The following SLC26A4 variants were observed in gnomAD, a reference collection of about 807,000 sequenced individuals.
The protein encoded by SLC26A4 is pendrin.
SLC26A4 carries 93 observed loss-of-function variants against 90.4 expected under a neutral mutation model. The ratio of observed to expected loss-of-function variants is 1.03; its 90% CI spans 0.87 to 1.22. SLC26A4 has a LOEUF of 1.22. SLC26A4 is among the 50% of genes most tolerant of loss of function. The pLI, the probability that SLC26A4 is intolerant of heterozygous loss-of-function variation, is 0.00. For synonymous variants in SLC26A4, 393 were observed against 354.6 expected (o/e 1.11, Z -1.22); for missense variants, 1,127 against 946.2 (o/e 1.19, Z -2.51).
rs775490005 is a variant in SLC26A4, at chr7:107,683,230, G to A, written c.794G>A (p.Gly265Asp). Residue 265 changes from glycine (G) to aspartate (D), a missense_variant, in exon 7 of 21, where the codon GGT (glycine) becomes GAT (aspartate). Transcript: ENST00000644269. ...CTGGTTGAGATTTTTCAAAATATTG[G>A]TGATACCAATCTTGCTGATTTCACT... ...YTLVEIFQNI[G>D]DTNLADFTAG... 1.2e-6 allele frequency: 2 copies of A among 1,612,464 alleles called. No individual in the cohort carries two copies. Among genetic ancestry groups the A allele is most frequent in the African/African-American group, 1.3e-5 (1 of 74,950 alleles).
chr7:107,663,584 T>C, intron 3 of SLC26A4, 149 bp downstream of exon 3: 5 of 865,350 alleles, frequency 5.8e-6, no homozygotes, highest in Non-Finnish European at 9.5e-6. Context: ...TCACCTCTCT[T>C]CTCCCCTTCC....
chr7:107,715,351 TA>T (rs1792318963), intron 20 of SLC26A4, 71 bp from the exon 21 acceptor site: 1 of 1,208,660 alleles, frequency 8.3e-7, no homozygotes, highest in East Asian at 2.3e-5. Flanking sequence ...AAAACATATT[TA>T]TAAAAAAGAT....
rs929101756 is a variant in SLC26A4, at chr7:107,661,847, G to T, written c.164+42G>T. ...CCTGCGTAGAGAGAAGCGGAGCGGGGCGTCCACGCCTTGGGGAGGGAAGGG... is the reference window on the plus strand; with the variant it reads ...CCTGCGTAGAGAGAAGCGGAGCGGGTCGTCCACGCCTTGGGGAGGGAAGGG... On this transcript the variant is annotated intron_variant, in intron 2 of 20. Transcript: ENST00000644269. The surrounding 1 kb of genome is among the most constrained non-coding windows in gnomAD (Gnocchi z 5.1). The T allele has an allele frequency of 3.3e-6, 5 of 1,522,994 alleles. No individual in the cohort carries two copies. The African/African-American group carries it at 6.9e-5, about 21-fold the overall frequency. 94.3% of individuals were successfully genotyped at this position (1,522,994 alleles called of 1,614,324 possible).
At chr7:107,682,461 A>T (rs566157396) in intron 6 of SLC26A4, among the ~76,000 whole-genome samples, 30 of 152,332 alleles carry the variant, frequency 2.0e-4, no homozygotes, top group African/African-American at 7.0e-4. Flanking sequence ...ATTTAAAAAA[A>T]AGTATGCTTG....
At chr7:107,684,910 C>T (rs1248298390) in intron 8 of SLC26A4, among the ~76,000 whole-genome samples, 2 of 152,170 alleles carry the variant, frequency 1.3e-5, no homozygotes, top group African/African-American at 2.4e-5. Context: ...CAGGCCCTGT[C>T]CCATCCATCC....
intron 8 of SLC26A4, 111 bp from the exon 9 acceptor site, chr7:107,688,942 T>C (rs1175522958): frequency 1.8e-6 from 2 of 1,112,950 alleles, no homozygotes; most frequent in African/African-American, 3.1e-5. Context: ...TTCTTTTGGA[T>C]CAAGTACTTT....
rs958004996 is a variant in SLC26A4 at position 107,698,541 on chromosome 7, T to A, written c.1614+430T>A. Among the ~76,000 whole-genome samples, 11 of 152,256 alleles carry A rather than the reference T, an allele frequency of 7.2e-5. No homozygotes were observed. The East Asian group carries it at 2.1e-3, about 29-fold the overall frequency. On this transcript the variant is annotated intron_variant, in intron 14 of 20. Transcript: ENST00000644269. The stretch of plus-strand genomic sequence containing the variant: ...CATGTTGCCCAGGCTGGTCTCAAAC[T>A]CCTGAGCTCAAGTGATTTGCCCGTC...
At chr7:107,674,669 G>A (rs574020915) in intron 5 of SLC26A4, among the ~76,000 whole-genome samples, 40 of 152,272 alleles carry the variant, frequency 2.6e-4, no homozygotes, top group African/African-American at 8.9e-4. Context: ...ACACAGGACC[G>A]AAAGCCACAT....
At position 107,689,143 on chromosome 7, in the gene SLC26A4, A is replaced by C. The variant is rs2129315815; in HGVS notation, c.1092A>C (p.Ala364=). Residue 364 remains alanine, a synonymous_variant, in exon 9 of 21, where the codon GCA becomes GCC. Transcript: ENST00000644269. ...FSIAVVAYAI[A]VSVGKVYATK... is the part of the protein sequence containing the mutation. ...TCGCTGTGGTGGCTTATGCTATTGC[A>C]GTGTCAGTAGGAAAAGTATATGCCA... The C allele has an allele frequency of 6.2e-7, 1 of 1,613,834 alleles. No homozygotes were observed. Among genetic ancestry groups the C allele is most frequent in the Admixed American group, 1.7e-5 (1 of 59,998 alleles).
intron 17 of SLC26A4, among the ~76,000 whole-genome samples, 156 bp downstream of exon 17, chr7:107,702,213 C>T (rs1470031206): frequency 6.6e-6 from 1 of 152,168 alleles, no homozygotes; most frequent in Non-Finnish European, 1.5e-5. Flanking sequence ...AGCATAGGCT[C>T]TGGAGCCAGA....
Position 107,663,362 on chromosome 7 carries a change from A to C in SLC26A4, c.231A>C (p.Lys77Asn), listed in dbSNP as rs775497312. 6.2e-7 allele frequency: 1 copy of C among 1,614,148 alleles called. No individual in the cohort carries two copies. Among genetic ancestry groups the C allele is most frequent in the Admixed American group, 1.7e-5 (1 of 60,030 alleles). ...TGCCCATCTTGGAGTGGCTCCCCAA[A>C]TACCGAGTCAAGGAATGGCTGCTTA... The part of the protein sequence containing the change: ...TLVPILEWLP[K>N]YRVKEWLLSD... Residue 77 changes from lysine to asparagine, a missense_variant, in exon 3 of 21, where the codon AAA (lysine) becomes AAC (asparagine). Physicochemically the swap from Lys to Asn is moderately conservative, Grantham distance 94. Coordinates refer to ENST00000644269, the MANE Select transcript of SLC26A4 (RefSeq NM_000441.2).
intron 8 of SLC26A4, among the ~76,000 whole-genome samples, chr7:107,686,235 A>ACTCTTTCTTTCATT: frequency 6.7e-6 from 1 of 148,574 alleles, no homozygotes; most frequent in Non-Finnish European, 1.5e-5. Flanking sequence ...CATGTTTGTT[A>ACTCTTTCTTTCATT]CTCTTTCTTT....
intron 6 of SLC26A4, among the ~76,000 whole-genome samples, chr7:107,676,392 G>A (rs10275646): frequency 0.018 from 2,761 of 152,194 alleles, 79 homozygotes; most frequent in African/African-American, 0.06. Context: ...ATAAGAGTCC[G>A]TAAAATGCAT....
Position 107,686,108 on chromosome 7 carries a change from GGT to G in SLC26A4, c.1001+2586_1001+2587del, listed in dbSNP as rs144481975. 2.7e-3 allele frequency among the ~76,000 whole-genome samples: 382 copies of G among 140,514 alleles called. 1 individual carries two copies. The highest frequency in any genetic ancestry group is 8.7e-3 in the African/African-American group (328 of 37,918). 92.2% of individuals were successfully genotyped at this position (140,514 alleles called of 152,430 possible). A position where few individuals can be genotyped will look rare whatever the true frequency, so the allele number is the denominator to read the frequency against. On this transcript the variant is annotated intron_variant, in intron 8 of 20. Transcript: ENST00000644269. ...ATGATCTCTGTGGTGTGTGTGTGTG[GGT>G]GTGTGTGTGTGTGTATAAACCCATA... is the stretch of plus-strand genomic sequence containing the variant.
chr7:107,689,202 T>C lies in SLC26A4; in HGVS notation c.1149+2T>C. ...GATTACACCATCGATGGGAACCAGG[T>C]ATGGGTGCCCTTTTGCTGAACTGGT... On this transcript the variant is annotated splice_donor_variant, in intron 9 of 20. Transcript: ENST00000644269. LOFTEE classifies it high-confidence loss of function. 1 of 1,613,442 alleles carries C rather than the reference T, an allele frequency of 6.2e-7. No individual in the cohort carries two copies. The highest frequency in any genetic ancestry group is 1.1e-5 in the South Asian group (1 of 91,052).
intron 3 of SLC26A4, among the ~76,000 whole-genome samples, chr7:107,663,713 T>C (rs1790635682): frequency 6.6e-6 from 1 of 152,176 alleles, no homozygotes; most frequent in African/African-American, 2.4e-5. Flanking sequence ...AGACGGGGGC[T>C]CGCTCTGTCA....
In SLC26A4 at chr7:107,712,231, C is replaced by T. The variant is rs570844867; in HGVS notation, c.2236-308C>T. On this transcript the variant is annotated intron_variant, in intron 19 of 20. Coordinates refer to ENST00000644269, the MANE Select transcript of SLC26A4 (RefSeq NM_000441.2). ...CTCTTAGCTTAGCCATTGAGAGATG[C>T]ACTATTGACTGCTGAATCATTTAGG... 8.7e-4 allele frequency among the ~76,000 whole-genome samples: 132 copies of T among 152,276 alleles called. 1 individual carries two copies. In the South Asian group the frequency reaches 0.015, roughly 17 times the overall value.
Position 107,690,198 on chromosome 7 carries a change from C to T in SLC26A4, c.1224C>T (p.Ser408=), listed in dbSNP as rs750467891. The T allele has an allele frequency of 3.0e-5, 49 of 1,612,630 alleles. No homozygotes were observed. Among genetic ancestry groups the T allele is most frequent in the Non-Finnish European group, 3.8e-5 (45 of 1,178,814 alleles). The change falls in exon 10 of 21, where the codon TCC becomes TCT. Residue 408 remains serine, a synonymous_variant. Coordinates refer to ENST00000644269, the MANE Select transcript of SLC26A4 (RefSeq NM_000441.2). The part of the protein sequence containing the change: ...FSCFVATTAL[S]RTAVQESTGG... ...GTTTTGTGGCCACCACTGCTCTTTC[C>T]CGCACGGCCGTCCAGGAGAGCACTG...
intron 6 of SLC26A4, among the ~76,000 whole-genome samples, chr7:107,677,317 C>T (rs1184529892): frequency 1.3e-5 from 2 of 152,170 alleles, no homozygotes; most frequent in East Asian, 3.9e-4. Context: ...TTCCCTAAGC[C>T]TCAGTGTCCT....
Sources: gnomAD v4.1 joint callset for allele counts (sites outside exome capture counted in the v4.1 genomes callset) on GRCh38, gnomAD v4.1.1 for gene constraint, Gnocchi (gnomAD v3.1) non-coding constraint, MANE v1.5 for transcripts, NCBI Gene and HGNC (gene_info 2026-07-23, HGNC 2026-07-21) for gene names.